Variants in CDC42BPG observed in about 807,000 individuals in gnomAD.
The protein encoded by CDC42BPG is serine/threonine-protein kinase MRCK gamma.
CDC42BPG carries 157 observed loss-of-function variants against 192.2 expected under a neutral mutation model. The observed-to-expected ratio is 0.82, with a 90% CI of 0.72 to 0.93. The LOEUF is 0.93. Ranked by LOEUF, CDC42BPG falls within the 40% of genes least tolerant of loss-of-function variation. The pLI is 0.00. For missense variants in CDC42BPG, 1,992 were observed against 2,122.1 expected, an observed-to-expected ratio of 0.94 and a Z score of 1.20; for synonymous variants, 981 against 918.5, an observed-to-expected ratio of 1.07 and a Z score of -1.23.
At position 64,831,621 on chromosome 11, in the gene CDC42BPG, T is replaced by A. The variant is rs746783889; in HGVS notation, c.3188A>T (p.Glu1063Val). ...CGCGTCCAGCAGCAGCCGCTGCAGC[T>A]CACCCAGCACCTGCAGCCAGCGTTC... is the stretch of plus-strand genomic sequence containing the variant. Reference protein sequence around the residue: ...ERERWLQVLGELQRLLLDARP... With the variant: ...ERERWLQVLGVLQRLLLDARP... Residue 1063 changes from glutamate (E) to valine (V), a missense_variant, in exon 28 of 37, where the codon GAG becomes GTG. Around this residue, in one of 2 missense-constraint regions of CDC42BPG, gnomAD observed 1,656 missense variants for 1,844.3 expected, o/e 0.90. Transcript: ENST00000342711. 3.1e-6 allele frequency: 5 copies of A among 1,611,802 alleles called. No individual in the cohort carries two copies. Among genetic ancestry groups the A allele is most frequent in the Non-Finnish European group, 4.2e-6 (5 of 1,179,822 alleles).
intron 6 of CDC42BPG, 39 bp downstream of exon 6, chr11:64,839,439 C>CTGCTCCCAG (rs2136382426): frequency 6.7e-7 from 1 of 1,488,716 alleles, no homozygotes. Flanking sequence ...CTTGGCCCGC[C>CTGCTCCCAG]TTGTATCCCC....
chr11:64,839,567 C>T lies in CDC42BPG; in HGVS notation c.586G>A (p.Val196Ile). 6.2e-7 allele frequency: 1 copy of T among 1,611,610 alleles called. No individual in the cohort carries two copies. The highest frequency in any genetic ancestry group is 8.5e-7 in the Non-Finnish European group (1 of 1,179,466). Residue 196 changes from valine to isoleucine, a missense_variant, in exon 6 of 37, where the codon GTC becomes ATC. By Grantham distance (29) the Val-to-Ile change is conservative. Around this residue, in one of 2 missense-constraint regions of CDC42BPG, gnomAD observed 1,656 missense variants for 1,844.3 expected, o/e 0.90. Transcript: ENST00000342711. ...LHQLGYVHRD[V>I]KPDNVLLDVN... is the part of the protein sequence containing the mutation. ...TCCAGCAGGACGTTGTCTGGCTTGA[C>T]ATCCCTGGGGGATGGCAGGCAGGGA... is the stretch of plus-strand genomic sequence containing the variant.
intron 35 of CDC42BPG, 34 bp from the exon 36 acceptor site, chr11:64,826,589 C>T: frequency 6.3e-7 from 1 of 1,587,544 alleles, no homozygotes; most frequent in Non-Finnish European, 8.6e-7. Context: ...ACAAAAATAC[C>T]AAGATCAGAT....
chr11:64,835,428 G>A lies in CDC42BPG; in HGVS notation c.1881-9C>T, dbSNP rs926115105. The A allele has an allele frequency of 2.5e-6, 4 of 1,613,220 alleles. No homozygotes were observed. The highest frequency in any genetic ancestry group is 2.7e-5 in the African/African-American group (2 of 74,924). ...CCTCCTTACCACTCGGCCTGGGGAGGAGAAGGCCAAGGCCGTGACTCACCG... is the reference window on the plus strand; with the variant it reads ...CCTCCTTACCACTCGGCCTGGGGAGAAGAAGGCCAAGGCCGTGACTCACCG... On this transcript the variant is annotated splice_polypyrimidine_tract_variant and intron_variant, in intron 15 of 36. Coordinates refer to ENST00000342711, the MANE Select transcript of CDC42BPG (RefSeq NM_017525.3).
Position 64,827,680 on chromosome 11 carries a change from C to G in CDC42BPG, c.4065+6G>C, listed in dbSNP as rs770565377. 3 of 1,609,606 alleles carry G rather than the reference C, an allele frequency of 1.9e-6. No homozygotes were observed. Among genetic ancestry groups the G allele is most frequent in the Admixed American group, 3.4e-5 (2 of 59,584 alleles). ...GCGCTACCCCAGGGCTCTGGCGGAC[C>G]CTCACCTTCTTGAGCGGCACGGTCT... On this transcript the variant is annotated splice_donor_region_variant and intron_variant, in intron 31 of 36. Coordinates refer to ENST00000342711, the MANE Select transcript of CDC42BPG (RefSeq NM_017525.3).
chr11:64,838,941 C>T, intron 7 of CDC42BPG, 39 bp from the exon 8 acceptor site: 1 of 1,607,756 alleles, frequency 6.2e-7, no homozygotes, highest in South Asian at 1.1e-5. Context: ...GTCAAGTGTC[C>T]AGGAACCCAG....
intron 9 of CDC42BPG, among the ~76,000 whole-genome samples, chr11:64,837,729 T>C (rs543795666): frequency 6.6e-6 from 1 of 152,202 alleles, no homozygotes; most frequent in Non-Finnish European, 1.5e-5. Flanking sequence ...CCCTAAGTGC[T>C]GGGATTACAA....
intron 17 of CDC42BPG, 30 bp downstream of exon 17, chr11:64,835,017 T>TGGCCCCCCCCCCCCCCCCCCCGGGCCC: frequency 6.4e-7 from 1 of 1,571,958 alleles, no homozygotes; most frequent in Non-Finnish European, 8.7e-7. Context: ...TCGCCTGCGT[T>TGGCCCCCCCCCCCCCCCCCCCGGGCCC]CCCCACCCCG....
chr11:64,833,177 C>A, intron 24 of CDC42BPG, 54 bp downstream of exon 24: 2 of 1,405,418 alleles, frequency 1.4e-6, no homozygotes, highest in Non-Finnish European at 9.8e-7. Flanking sequence ...CCTGGGTATG[C>A]CAGGGCCACA....
intron 36 of CDC42BPG, among the ~76,000 whole-genome samples, chr11:64,825,199 G>A (rs1453970033): frequency 6.6e-6 from 1 of 152,180 alleles, no homozygotes; most frequent in Non-Finnish European, 1.5e-5. Context: ...TTACAGGGGT[G>A]AGCCACAGCG....
Position 64,841,833 on chromosome 11 carries a change from C to CA in CDC42BPG, c.231_232insT (p.Gly78TrpfsTer35). On this transcript the variant is annotated frameshift_variant, in exon 2 of 37. Coordinates refer to ENST00000342711, the MANE Select transcript of CDC42BPG (RefSeq NM_017525.3). LOFTEE classifies it high-confidence loss of function. Reference sequence around the variant, plus strand: ...CTCACCTCCCCAAAGGCTCCTCGGCCGATCACCTTCAAGATCTCAAAGTCA... The same window carrying CA: ...CTCACCTCCCCAAAGGCTCCTCGGCCAGATCACCTTCAAGATCTCAAAGTCA... 1 of 1,614,014 alleles carries CA rather than the reference C, an allele frequency of 6.2e-7. No individual in the cohort carries two copies. The highest frequency in any genetic ancestry group is 8.5e-7 in the Non-Finnish European group (1 of 1,179,978).
rs538363161 is a variant in CDC42BPG, at chr11:64,837,057, C to A, written c.1206-38G>T. 12 of 1,506,880 alleles carry A rather than the reference C, an allele frequency of 8.0e-6. No homozygotes were observed. The South Asian group carries it at 1.3e-4, about 17-fold the overall frequency. 93.3% of individuals were successfully genotyped at this position (1,506,880 alleles called of 1,614,324 possible). A position where few individuals can be genotyped will look rare whatever the true frequency, so the allele number is the denominator to read the frequency against. On this transcript the variant is annotated intron_variant, in intron 9 of 36. Transcript: ENST00000342711. ...AGGGGCCATGTTTGTTGGTAGAAAC[C>A]TCACCCCACAGAGTCTCCTCCATCC...
intron 13 of CDC42BPG, 119 bp downstream of exon 13, chr11:64,835,998 G>T: frequency 7.4e-7 from 1 of 1,346,590 alleles, no homozygotes; most frequent in Non-Finnish European, 1.0e-6. Flanking sequence ...ACCATCCCCT[G>T]GCCTAGCCTC....
chr11:64,830,640 G>A (rs1942641213), intron 28 of CDC42BPG, among the ~76,000 whole-genome samples: 4 of 152,192 alleles, frequency 2.6e-5, no homozygotes, highest in Admixed American at 2.6e-4. Context: ...GACTGCTCCA[G>A]GGACCCGCAC....
chr11:64,827,394 C>T lies in CDC42BPG; in HGVS notation c.4155G>A (p.Lys1385=), dbSNP rs768907363. ...LTYLRNQLAE[K]DEFDIPDLTD... ...TGAGGTCCGGGATGTCGAACTCGTC[C>T]TTCTCTGTGGGAGAAGTGGAGAGCT... Residue 1385 remains lysine (K), a synonymous_variant, in exon 33 of 37, where the codon AAG becomes AAA. Transcript: ENST00000342711. The T allele has an allele frequency of 1.9e-6, 3 of 1,613,244 alleles. No homozygotes were observed. Among genetic ancestry groups the T allele is most frequent in the South Asian group, 2.2e-5 (2 of 91,076 alleles).
At chr11:64,839,759 G>C (rs546255052) in intron 5 of CDC42BPG, among the ~76,000 whole-genome samples, 188 bp from the exon 6 acceptor site, 108 of 152,346 alleles carry the variant, frequency 7.1e-4, no homozygotes, top group African/African-American at 2.0e-3. Flanking sequence ...GGAGGAAGAT[G>C]GCTAGATTGT....
rs527805985 is a variant in CDC42BPG at position 64,843,616 on chromosome 11, G to A, written c.160+794C>T. Among the ~76,000 whole-genome samples the A allele has an allele frequency of 7.2e-5, 11 of 152,298 alleles. No individual in the cohort carries two copies. The South Asian group carries it at 1.0e-3, about 14-fold the overall frequency. Reference sequence around the variant, plus strand: ...CCCCCGTGCCTTTTCCCCATGGCCCGGCAGGGTGTGACCAGGGAACCCTCC... The same window carrying A: ...CCCCCGTGCCTTTTCCCCATGGCCCAGCAGGGTGTGACCAGGGAACCCTCC... On this transcript the variant is annotated intron_variant, in intron 1 of 36. Transcript: ENST00000342711.
intron 20 of CDC42BPG, 29 bp downstream of exon 20, chr11:64,834,237 T>C: frequency 6.5e-7 from 1 of 1,542,706 alleles, no homozygotes; most frequent in Admixed American, 1.9e-5. Context: ...GGAGCCTGGC[T>C]CCGGGGCAAG....
chr11:64,829,325 G>A (rs541956285), intron 30 of CDC42BPG, 146 bp downstream of exon 30: 191 of 994,222 alleles, frequency 1.9e-4, no homozygotes, highest in Middle Eastern at 3.3e-4. Context: ...AAGCCACAGA[G>A]GGTGGGACAG....
Sources: allele counts gnomAD v4.1 joint callset (sites outside exome capture counted in the v4.1 genomes callset), GRCh38; gene constraint gnomAD v4.1.1; regional missense constraint gnomAD v4.1.1; transcripts MANE v1.5; gene names NCBI Gene and HGNC (gene_info 2026-07-23, HGNC 2026-07-21).